DMD: variants seen among roughly 807,000 people sequenced by gnomAD.
DMD encodes dystrophin, also known as mutant dystrophin.
Under a neutral mutation model 330.1 loss-of-function variants are expected in DMD, and 63 were observed. The ratio of observed to expected loss-of-function variants is 0.19; its 90% CI spans 0.16 to 0.24. DMD has a LOEUF of 0.24. Among genes scored for constraint, DMD ranks in the 10% least tolerant of loss-of-function variants. DMD has a pLI of 1.00. For synonymous variants in DMD, 1,223 were observed against 959.8 expected, an observed-to-expected ratio of 1.27 and a Z score of -5.07; for missense variants, 3,344 against 2,684.1, an observed-to-expected ratio of 1.25 and a Z score of -5.43.
chrX:32,472,257 C>G lies in DMD; in HGVS notation c.2856G>C (p.Arg952Ser). The G allele has an allele frequency of 8.3e-7, 1 of 1,210,727 alleles. No individual in the cohort carries two copies. The highest frequency in any genetic ancestry group is 1.1e-6 in the Non-Finnish European group (1 of 894,900). ...MRYQETMSAI[R>S]TWVQQSETKL... ...TGGTTTCTGACTGCTGGACCCATGT[C>G]CTGATGGCACTCATGGTCTCCTGAT... is the stretch of plus-strand genomic sequence containing the variant. The change falls in exon 22 of 79, where the codon AGG (arginine) becomes AGC (serine). Residue 952 changes from arginine to serine, a missense_variant. Physicochemically the swap from Arg to Ser is moderately radical, Grantham distance 110 (BLOSUM62 -1). Transcript: ENST00000357033.
At chrX:32,513,693 G>T (rs897429085) in intron 18 of DMD, among the ~76,000 whole-genome samples, 5 of 111,779 alleles carry the variant, frequency 4.5e-5, no homozygotes, top group African/African-American at 1.6e-4. Context: ...AATTAAAATT[G>T]TCTATTAGGC....
At chrX:32,186,116 C>A (rs1388860392) in intron 44 of DMD, among the ~76,000 whole-genome samples, 2 of 110,965 alleles carry the variant, frequency 1.8e-5, no homozygotes, top group African/African-American at 6.5e-5. Flanking sequence ...AAATTCCCCT[C>A]TGAAGTGAAT....
intron 1 of DMD, among the ~76,000 whole-genome samples, chrX:33,269,397 G>A (rs1055713612): frequency 1.1e-4 from 12 of 110,663 alleles, no homozygotes; most frequent in Non-Finnish European, 1.7e-4. Context: ...TGAGCACAAC[G>A]GACATAAACA....
chrX:31,699,504 G>A (rs893423599), intron 52 of DMD, among the ~76,000 whole-genome samples: 2 of 112,202 alleles, frequency 1.8e-5, no homozygotes, highest in Non-Finnish European at 3.8e-5. Flanking sequence ...CCTAAAAAAT[G>A]TTCCCTCCTG....
rs183367715 is a variant in DMD, at chrX:32,388,030, A to G, written c.4518+1471T>C. On this transcript the variant is annotated intron_variant, in intron 32 of 78. Transcript: ENST00000357033. Reference sequence around the variant, plus strand: ...GAAGGCAAGACTATGATTATGGTATACACCACAAAGCATCGTAAACAATGA... The same window carrying G: ...GAAGGCAAGACTATGATTATGGTATGCACCACAAAGCATCGTAAACAATGA... 1.5e-4 allele frequency among the ~76,000 whole-genome samples: 17 copies of G among 111,788 alleles called. No individual in the cohort carries two copies. In the East Asian group the frequency reaches 4.2e-3, roughly 27 times the overall value.
At chrX:32,230,357 G>A (rs1021996074) in intron 43 of DMD, among the ~76,000 whole-genome samples, 4 of 111,640 alleles carry the variant, frequency 3.6e-5, no homozygotes, top group East Asian at 2.8e-4. Flanking sequence ...CCTTTCTCCC[G>A]CCTCAGCTTC....
At chrX:31,951,143 G>A (rs59309514) in intron 45 of DMD, among the ~76,000 whole-genome samples, 19,758 of 73,247 alleles carry the variant, frequency 0.27, 2,523 homozygotes, top group African/African-American at 0.38. Context: ...ATATATATGT[G>A]TATATATATA....
rs147580147 is a variant in DMD at position 32,502,776 on chromosome X, C to A, written c.2293-934G>T. ...CTATTTTTTAAGACTTCATTTACAT[C>A]CACAGGCATTTAAAAAAATATTTCC... On this transcript the variant is annotated intron_variant, in intron 18 of 78. Transcript: ENST00000357033. Among the ~76,000 whole-genome samples the A allele has an allele frequency of 5.5e-3, 617 of 111,240 alleles. 1 individual carries two copies. The highest frequency in any genetic ancestry group is 0.018 in the African/African-American group (562 of 30,620).
intron 16 of DMD, among the ~76,000 whole-genome samples, chrX:32,553,803 G>C (rs1355694713): frequency 1.8e-5 from 2 of 111,939 alleles, no homozygotes; most frequent in Non-Finnish European, 3.8e-5. Context: ...GAAGGGCCTG[G>C]TGGGAGGGGA....
intron 1 of DMD, among the ~76,000 whole-genome samples, chrX:33,056,108 A>G (rs773571407): frequency 9.0e-6 from 1 of 110,609 alleles, no homozygotes; most frequent in Non-Finnish European, 1.9e-5. Flanking sequence ...TTTAGCACAT[A>G]GACAGTCACA....
intron 29 of DMD, among the ~76,000 whole-genome samples, chrX:32,420,301 G>A (rs892250703): frequency 1.6e-4 from 18 of 112,119 alleles, no homozygotes; most frequent in Non-Finnish European, 2.8e-4. Context: ...TTCTAGGGAT[G>A]ACTTGGTCAG....
intron 49 of DMD, among the ~76,000 whole-genome samples, chrX:31,828,296 T>C (rs1245002028): frequency 1.8e-5 from 2 of 111,376 alleles, no homozygotes; most frequent in Non-Finnish European, 3.8e-5. Context: ...GCACACAAAC[T>C]AGAAAATCTA....
intron 59 of DMD, among the ~76,000 whole-genome samples, chrX:31,476,773 A>G (rs1468350670): frequency 9.0e-6 from 1 of 111,353 alleles, no homozygotes; most frequent in Non-Finnish European, 1.9e-5. Flanking sequence ...TATGCCAGGC[A>G]CACAGAGGGG....
At chrX:31,583,514 G>A (rs2076435152) in intron 55 of DMD, among the ~76,000 whole-genome samples, 1 of 111,307 alleles carries the variant, frequency 9.0e-6, no homozygotes, top group African/African-American at 3.3e-5. Flanking sequence ...TTTTCTTAGT[G>A]AGAGCAGTTT....
intron 1 of DMD, among the ~76,000 whole-genome samples, chrX:33,098,811 C>T (rs2406362): frequency 0.4 from 44,756 of 110,625 alleles, 7,428 homozygotes; most frequent in Non-Finnish European, 0.51. Context: ...CTGCTGTGTC[C>T]GGTTTCCATT....
At chrX:32,820,942 T>C (rs2078187594) in intron 5 of DMD, among the ~76,000 whole-genome samples, 2 of 111,638 alleles carry the variant, frequency 1.8e-5, no homozygotes, top group African/African-American at 6.5e-5. Context: ...CCTCAAGATA[T>C]TTTGAGAAGT....
intron 44 of DMD, among the ~76,000 whole-genome samples, chrX:32,058,046 C>T (rs1372451517): frequency 2.7e-5 from 3 of 110,987 alleles, no homozygotes; most frequent in African/African-American, 6.5e-5. Context: ...GGAATTGGAC[C>T]TTTAACTTAA....
At chrX:32,095,519 GC>G (rs2096499539) in intron 44 of DMD, among the ~76,000 whole-genome samples, 2 of 111,794 alleles carry the variant, frequency 1.8e-5, no homozygotes, top group South Asian at 7.4e-4. Context: ...GATGGATAAT[GC>G]CTTTGTCTAA....
At chrX:32,529,379 C>CTTTTTTTT (rs777955346) in intron 17 of DMD, among the ~76,000 whole-genome samples, 1 of 31,036 alleles carries the variant, frequency 3.2e-5, no homozygotes, top group African/African-American at 1.4e-4. Flanking sequence ...CAAAAATCAA[C>CTTTTTTTT]TTTTTTTTTT....
Sources: gnomAD v4.1 joint callset for allele counts (sites outside exome capture counted in the v4.1 genomes callset) on GRCh38, gnomAD v4.1.1 for gene constraint, MANE v1.5 for transcripts, NCBI Gene and HGNC (gene_info 2026-07-23, HGNC 2026-07-21) for gene names.